Variants in PIK3C2G observed in about 807,000 individuals in gnomAD.
PIK3C2G encodes phosphatidylinositol-4-phosphate 3-kinase catalytic subunit type 2 gamma.
In PIK3C2G, 168 loss-of-function variants were observed where a neutral mutation model predicts 181.1. The ratio of observed to expected loss-of-function variants is 0.93; its 90% CI spans 0.82 to 1.05. The LOEUF (loss-of-function observed/expected upper bound fraction) is 1.05. Ranked by LOEUF, PIK3C2G falls within the 50% of genes least tolerant of loss-of-function variation. The probability of loss-of-function intolerance (pLI) is 0.00; values close to 1 mark genes in which losing one functional copy is unlikely to be tolerated. For missense variants in PIK3C2G, 1,869 were observed against 1,732.8 expected, an observed-to-expected ratio of 1.08 and a Z score of -1.40; for synonymous variants, 573 against 592.2, an observed-to-expected ratio of 0.97 and a Z score of 0.47.
chr12:18,613,003 A>G (rs1948419917), intron 31 of PIK3C2G, among the ~76,000 whole-genome samples: 1 of 152,144 alleles, frequency 6.6e-6, no homozygotes, highest in African/African-American at 2.4e-5. Flanking sequence ...AAGCTTGGCC[A>G]TGATTTTCTA....
At chr12:18,705,871 T>C in the PIK3C2G span, among the ~76,000 whole-genome samples, 41 of 149,748 alleles carry the variant, frequency 2.7e-4, no homozygotes, top group Admixed American at 5.3e-4. Flanking sequence ...ATCTCAAAAA[T>C]AACAATAATA....
At chr12:18,640,163 A>T (rs1949778329) in intron 31 of PIK3C2G, among the ~76,000 whole-genome samples, 1 of 151,974 alleles carries the variant, frequency 6.6e-6, no homozygotes, top group Non-Finnish European at 1.5e-5. Flanking sequence ...ACAGCAAAAA[A>T]TTAAAGTAAA....
the PIK3C2G span, among the ~76,000 whole-genome samples, chr12:18,705,559 A>C: frequency 1.3e-5 from 2 of 152,158 alleles, no homozygotes; most frequent in Non-Finnish European, 2.9e-5. Flanking sequence ...TCCATCAGTG[A>C]GTACTTATTT....
At chr12:18,650,360 T>TAC (rs1177957080), downstream of PIK3C2G, among the ~76,000 whole-genome samples, 1 of 138,822 alleles carries the variant, frequency 7.2e-6, no homozygotes, top group African/African-American at 2.9e-5. Context: ...TGTGTGTGTG[T>TAC]GTGTGTGTGT....
chr12:18,500,360 C>G (rs1941350593), intron 22 of PIK3C2G, among the ~76,000 whole-genome samples: 1 of 152,194 alleles, frequency 6.6e-6, no homozygotes, highest in East Asian at 1.9e-4. Flanking sequence ...GGATTTCTCG[C>G]CGGGCCTTAG....
At chr12:18,334,776 C>T (rs1218701978) in intron 8 of PIK3C2G, among the ~76,000 whole-genome samples, 2 of 152,062 alleles carry the variant, frequency 1.3e-5, no homozygotes, top group African/African-American at 4.8e-5. Context: ...GGGGATCTCA[C>T]CTTGCGAATC....
At chr12:18,642,238 T>C (rs543272204) in intron 32 of PIK3C2G, among the ~76,000 whole-genome samples, 1 of 152,342 alleles carries the variant, frequency 6.6e-6, no homozygotes, top group African/African-American at 2.4e-5. Flanking sequence ...GTTGTATAGC[T>C]TTACATTTTA....
chr12:18,640,388 T>C, intron 31 of PIK3C2G, 41 bp from the exon 32 acceptor site: 2 of 1,571,888 alleles, frequency 1.3e-6, no homozygotes, highest in Non-Finnish European at 1.7e-6. Context: ...TTTTCTTTGA[T>C]AGCAACATGC....
At chr12:18,726,665 T>C in the PIK3C2G span, among the ~76,000 whole-genome samples, 11,121 of 152,214 alleles carry the variant, frequency 0.073, 504 homozygotes, top group Middle Eastern at 0.12. Flanking sequence ...CAATGCTCAG[T>C]TTGCTAGTAA....
chr12:18,503,247 G>T, intron 22 of PIK3C2G, 34 bp from the exon 23 acceptor site: 1 of 1,539,112 alleles, frequency 6.5e-7, no homozygotes, highest in South Asian at 1.2e-5. Context: ...TGTGATGAAG[G>T]AATTGTCTCT....
intron 18 of PIK3C2G, among the ~76,000 whole-genome samples, chr12:18,474,079 C>T (rs1158750266): frequency 6.6e-6 from 1 of 152,042 alleles, no homozygotes; most frequent in East Asian, 1.9e-4. Context: ...TTTGTGAATA[C>T]CAAGAACAAC....
At chr12:18,584,931 A>G (rs181643090) in intron 29 of PIK3C2G, among the ~76,000 whole-genome samples, 6 of 152,296 alleles carry the variant, frequency 3.9e-5, no homozygotes, top group East Asian at 1.9e-4. Context: ...AGAATTTTAT[A>G]TGAACCAAAT....
the PIK3C2G span, among the ~76,000 whole-genome samples, chr12:18,690,672 G>A: frequency 1.2e-4 from 18 of 152,170 alleles, 1 homozygote; most frequent in Non-Finnish European, 2.2e-4. Flanking sequence ...AAGAAGCACA[G>A]CTAACCTAGC....
At chr12:18,533,404 A>G (rs1414737761) in intron 24 of PIK3C2G, among the ~76,000 whole-genome samples, 1 of 152,054 alleles carries the variant, frequency 6.6e-6, no homozygotes, top group African/African-American at 2.4e-5. Context: ...AATTATCGTG[A>G]AATCCTATTG....
At chr12:18,620,224 A>T (rs1218770459) in intron 31 of PIK3C2G, among the ~76,000 whole-genome samples, 1 of 152,102 alleles carries the variant, frequency 6.6e-6, no homozygotes, top group East Asian at 1.9e-4. Context: ...TCTACGAATA[A>T]TTAAGAGAAA....
At chr12:18,645,512 T>C (rs1950079827) in intron 32 of PIK3C2G, among the ~76,000 whole-genome samples, 1 of 152,184 alleles carries the variant, frequency 6.6e-6, no homozygotes, top group Non-Finnish European at 1.5e-5. Context: ...TAAAGTCATT[T>C]CTTGAAGCTT....
the PIK3C2G span, among the ~76,000 whole-genome samples, chr12:18,706,511 T>C: frequency 6.6e-6 from 1 of 152,212 alleles, no homozygotes. Context: ...ATATTTCCAG[T>C]TTCTAATAGC....
intron 12 of PIK3C2G, among the ~76,000 whole-genome samples, chr12:18,365,927 G>A (rs549909832): frequency 2.1e-4 from 32 of 152,222 alleles, no homozygotes; most frequent in African/African-American, 7.7e-4. Context: ...CAGACCCTAT[G>A]TTCAGAAAAT....
intron 24 of PIK3C2G, among the ~76,000 whole-genome samples, chr12:18,523,159 A>G (rs1943024735): frequency 6.6e-6 from 1 of 151,938 alleles, no homozygotes; most frequent in Non-Finnish European, 1.5e-5. Context: ...TTAATTTTCT[A>G]TCTGAATTTT....
Sources: allele counts gnomAD v4.1 joint callset (sites outside exome capture counted in the v4.1 genomes callset), GRCh38; gene constraint gnomAD v4.1.1; transcripts MANE v1.5; gene names NCBI Gene and HGNC (gene_info 2026-07-23, HGNC 2026-07-21).